The following HAUS6 variants were observed in gnomAD, a reference collection of about 807,000 sequenced individuals.
The protein encoded by HAUS6 is HAUS augmin-like complex subunit 6.
Under a neutral mutation model 106.8 loss-of-function variants are expected in HAUS6, and 80 were observed. That is an observed-to-expected ratio of 0.75 (90% CI 0.63 to 0.90). The LOEUF is 0.90. Ranked by LOEUF, HAUS6 falls within the 40% of genes least tolerant of loss-of-function variation. The pLI, the probability that HAUS6 is intolerant of heterozygous loss-of-function variation, is 0.00. For missense variants in HAUS6, 1,155 were observed against 1,118.1 expected, an observed-to-expected ratio of 1.03 and a Z score of -0.47; for synonymous variants, 356 against 379.1, an observed-to-expected ratio of 0.94 and a Z score of 0.71.
At chr9:19,083,523 C>G (rs1837211809) in intron 7 of HAUS6, among the ~76,000 whole-genome samples, 1 of 152,004 alleles carries the variant, frequency 6.6e-6, no homozygotes, top group Non-Finnish European at 1.5e-5. Flanking sequence ...TCAAGAGAAG[C>G]CGGGCGCAGT....
intron 7 of HAUS6, among the ~76,000 whole-genome samples, 163 bp downstream of exon 7, chr9:19,086,571 A>T (rs1391912256): frequency 6.6e-6 from 1 of 150,418 alleles, no homozygotes; most frequent in Non-Finnish European, 1.5e-5. Flanking sequence ...AGTGAGCCAA[A>T]ATCATGCCAC....
At chr9:19,064,343 A>C (rs1276400392) in intron 12 of HAUS6, among the ~76,000 whole-genome samples, 1 of 152,234 alleles carries the variant, frequency 6.6e-6, no homozygotes, top group Non-Finnish European at 1.5e-5. Context: ...TTTACTCTAT[A>C]GCAAACATGT....
chr9:19,087,901 AT>A (rs1817656639), intron 5 of HAUS6, among the ~76,000 whole-genome samples: 1 of 150,994 alleles, frequency 6.6e-6, no homozygotes, highest in Admixed American at 6.7e-5. Flanking sequence ...TATACAACCT[AT>A]TCTTTGAGAG....
At chr9:19,072,699 C>T (rs899028833) in intron 11 of HAUS6, among the ~76,000 whole-genome samples, 3 of 152,010 alleles carry the variant, frequency 2.0e-5, no homozygotes, top group East Asian at 1.9e-4. Context: ...AAAGAAAGAA[C>T]GAGAATTTTA....
chr9:19,096,834 A>T (rs4977495), intron 1 of HAUS6, 65 bp from the exon 2 acceptor site: 96,154 of 720,918 alleles, frequency 0.13, 6,767 homozygotes, highest in Admixed American at 0.18. Context: ...CATCATCAAA[A>T]GCTGAGTAAG....
At chr9:19,068,504 C>T (rs542564073) in intron 12 of HAUS6, among the ~76,000 whole-genome samples, 1 of 152,246 alleles carries the variant, frequency 6.6e-6, no homozygotes, top group South Asian at 2.1e-4. Context: ...ACTGCAGAAC[C>T]AATTACCAAT....
chr9:19,073,529 G>A (rs138650967), intron 11 of HAUS6, among the ~76,000 whole-genome samples: 25 of 150,934 alleles, frequency 1.7e-4, no homozygotes, highest in South Asian at 4.2e-4. Flanking sequence ...ATGGACATGA[G>A]AATTTCATAG....
intron 15 of HAUS6, 59 bp from the exon 16 acceptor site, chr9:19,059,060 G>C (rs1189793069): frequency 2.2e-6 from 2 of 899,282 alleles, no homozygotes; most frequent in Admixed American, 4.8e-5. Flanking sequence ...AGCATGCAAT[G>C]AATCATTTTA....
At chr9:19,071,951 C>A (rs180804877) in intron 11 of HAUS6, among the ~76,000 whole-genome samples, 12 of 152,228 alleles carry the variant, frequency 7.9e-5, no homozygotes, top group Non-Finnish European at 1.2e-4. Context: ...TGCCTGTAAT[C>A]CCAACACTTT....
At chr9:19,079,709 C>G (rs1016768873) in intron 9 of HAUS6, among the ~76,000 whole-genome samples, 5 of 152,118 alleles carry the variant, frequency 3.3e-5, no homozygotes, top group African/African-American at 1.2e-4. Context: ...TCAAGACCAG[C>G]CTGGCCAACA....
chr9:19,056,412 T>C lies in HAUS6; in HGVS notation c.2807-8A>G, dbSNP rs371418229. ...TATTCAAAATGTCTTCTTCTGCAAA[T>C]TGATTTTAAAAAAGTATAAGCAAAC... On this transcript the variant is annotated splice_region_variant and splice_polypyrimidine_tract_variant and intron_variant, in intron 16 of 16. Coordinates refer to ENST00000380502, the MANE Select transcript of HAUS6 (RefSeq NM_017645.5). 1.1e-5 allele frequency: 17 copies of C among 1,506,892 alleles called. No individual in the cohort carries two copies. The East Asian group carries it at 1.4e-4, about 12-fold the overall frequency. 93.3% of individuals were successfully genotyped at this position (1,506,892 alleles called of 1,614,324 possible).
intron 5 of HAUS6, among the ~76,000 whole-genome samples, 153 bp downstream of exon 5, chr9:19,089,259 A>G (rs77753163): frequency 2.1e-5 from 3 of 144,346 alleles, no homozygotes; most frequent in Admixed American, 7.0e-5. Context: ...TCAGATAGGG[A>G]AAAAAAAAAA....
intron 4 of HAUS6, among the ~76,000 whole-genome samples, chr9:19,090,933 G>A (rs1817731050): frequency 6.6e-6 from 1 of 152,112 alleles, no homozygotes; most frequent in Admixed American, 6.6e-5. Context: ...ACAAAAACAT[G>A]AATATTCTGA....
chr9:19,094,517 C>G, intron 2 of HAUS6, 122 bp from the exon 3 acceptor site: 2 of 620,256 alleles, frequency 3.2e-6, no homozygotes, highest in South Asian at 4.1e-5. Context: ...CATGGCCAAG[C>G]GCGGTGGCTC....
chr9:19,067,126 G>T (rs1440174662), intron 12 of HAUS6, among the ~76,000 whole-genome samples: 2 of 152,126 alleles, frequency 1.3e-5, no homozygotes, highest in Non-Finnish European at 2.9e-5. Context: ...TTCTTTCCAT[G>T]CTTTTTTAGT....
In HAUS6 at chr9:19,087,130, A is replaced by G; in HGVS notation, c.611T>C (p.Leu204Ser). ...TTCCAATCCTATACATTCAGATCTC[A>G]AGTTTCGTACCTGCTTAACTGATAA... ...AQLSVKQVRN[L>S]RSECIGLENQ... The change falls in exon 6 of 17, where the codon TTG becomes TCG. Residue 204 changes from leucine (L) to serine (S), a missense_variant. Physicochemically the swap from Leu to Ser is moderately radical, Grantham distance 145. Around this residue, in one of 3 missense-constraint regions of HAUS6, gnomAD observed 761 missense variants for 690.0 expected, o/e 1.10. Coordinates refer to ENST00000380502, the MANE Select transcript of HAUS6 (RefSeq NM_017645.5). The G allele has an allele frequency of 6.5e-7, 1 of 1,531,264 alleles. No individual in the cohort carries two copies. Among genetic ancestry groups the G allele is most frequent in the Non-Finnish European group, 9.0e-7 (1 of 1,105,078 alleles). The allele number at this position is 1,531,264 out of a possible 1,614,324, so 94.9% of individuals were successfully genotyped here.
At position 19,078,302 on chromosome 9, in the gene HAUS6, C is replaced by G. The variant is rs776798047; in HGVS notation, c.1065G>C (p.Arg355Ser). 2 of 1,431,746 alleles carry G rather than the reference C, an allele frequency of 1.4e-6. No homozygotes were observed. Among genetic ancestry groups the G allele is most frequent in the Admixed American group, 2.0e-5 (1 of 50,462 alleles). 88.7% of individuals were successfully genotyped at this position (1,431,746 alleles called of 1,614,324 possible). ...TTGTGAGATCATCTTTTATTCTATA[C>G]CTATAATAGCATAAAAAAACTTTAT... Reference protein sequence around the residue: ...KERLSDLKHMRYRIKDDLTTI... With the variant: ...KERLSDLKHMSYRIKDDLTTI... Residue 355 changes from arginine to serine, a missense_variant and splice_region_variant, in exon 10 of 17, where the codon AGG (arginine) becomes AGC (serine). Transcript: ENST00000380502.
chr9:19,065,385 G>A (rs925717535), intron 12 of HAUS6, among the ~76,000 whole-genome samples: 1 of 151,976 alleles, frequency 6.6e-6, no homozygotes, highest in African/African-American at 2.4e-5. Context: ...GAAAAAAGAG[G>A]AACACACTTT....
At chr9:19,064,013 G>C (rs1034635547) in intron 12 of HAUS6, among the ~76,000 whole-genome samples, 1 of 149,054 alleles carries the variant, frequency 6.7e-6, no homozygotes, top group Admixed American at 6.8e-5. Context: ...TGTTGCCCAG[G>C]CTAGAGTGCA....
Sources: gnomAD v4.1 joint callset for allele counts (sites outside exome capture counted in the v4.1 genomes callset) on GRCh38, gnomAD v4.1.1 for gene constraint, gnomAD v4.1.1 regional missense constraint, MANE v1.5 for transcripts, NCBI Gene and HGNC (gene_info 2026-07-23, HGNC 2026-07-21) for gene names.